SATB1: variants seen among roughly 807,000 people sequenced by gnomAD.
The protein encoded by SATB1 is SATB homeobox 1, also known as DNA-binding protein SATB1.
In SATB1, 11 loss-of-function variants were observed where a neutral mutation model predicts 86.9. The ratio of observed to expected loss-of-function variants is 0.13; its 90% CI spans 0.08 to 0.21. SATB1 has a LOEUF of 0.21. Ranked by LOEUF, SATB1 falls within the 10% of genes least tolerant of loss-of-function variation. The pLI, the probability that SATB1 is intolerant of heterozygous loss-of-function variation, is 1.00. For missense variants in SATB1, 551 were observed against 937.6 expected (o/e 0.59, Z 5.39); for synonymous variants, 357 against 357.2 (o/e 1.00, Z 0.01).
rs1427189144 is a variant in SATB1 at position 18,424,935 on chromosome 3, G to GTTTGTGTGTGTT, written c.-1334_-1333insAACACACACAAA. The GTTTGTGTGTGTT allele has an allele frequency of 1.3e-5, 2 of 152,338 alleles. No individual in the cohort carries two copies. Among genetic ancestry groups the GTTTGTGTGTGTT allele is most frequent in the African/African-American group, 2.6e-5 (1 of 38,892 alleles). The allele number at this position is 152,338 out of a possible 1,614,324, so 9.4% of individuals were successfully genotyped here. A position where few individuals can be genotyped will look rare whatever the true frequency, so the allele number is the denominator to read the frequency against. On this transcript the variant is annotated 5_prime_UTR_variant, in exon 1 of 11. Transcript: ENST00000338745. ...GTGGCACAGGGAGAGGTGTGTGTGTGTTTGTGTGTGTGCGTGAGTGTGAGC... is the reference window on the plus strand; with the variant it reads ...GTGGCACAGGGAGAGGTGTGTGTGTGTTTGTGTGTGTTTTTGTGTGTGTGCGTGAGTGTGAGC...
At chr3:18,351,693 ATTTTAAGC>A (rs1300328815) in intron 10 of SATB1, 14 of 502,452 alleles carry the variant, frequency 2.8e-5, no homozygotes, top group Middle Eastern at 5.2e-4. Context: ...ACACACAAAA[ATTTTAAGC>A]TCTTAACACA....
chr3:18,445,383 G>A (rs1479762912), intron 1 of SATB1: 1 of 929,196 alleles, frequency 1.1e-6, no homozygotes. Context: ...GAGGGGCGAG[G>A]GCGGGCCAGG....
chr3:18,380,064 T>C (rs991612917), intron 8 of SATB1, among the ~76,000 whole-genome samples: 1 of 152,146 alleles, frequency 6.6e-6, no homozygotes, highest in Admixed American at 6.5e-5. Flanking sequence ...TTTGGTGAGA[T>C]TGGAAACTTT....
chr3:18,425,373 G>GGGGGGAGGAGAGGAGGAA (rs1559461771), upstream of SATB1: 3 of 155,956 alleles, frequency 1.9e-5, no homozygotes, highest in African/African-American at 7.3e-5. Context: ...AGGAGGAGGA[G>GGGGGGAGGAGAGGAGGAA]GGGGGAGGAG....
At position 18,347,784 on chromosome 3, in the gene SATB1, ATGTGTT is replaced by A; in HGVS notation, c.*1380_*1385del. ...ATTTCATACCTATTTAAAAATGAGC[ATGTGTT>A]TGTGATTTAAATTTACAGTGTTTCA... is the stretch of plus-strand genomic sequence containing the variant. On this transcript the variant is annotated 3_prime_UTR_variant, in exon 11 of 11. Transcript: ENST00000338745. 1 of 152,320 alleles carries A rather than the reference ATGTGTT, an allele frequency of 6.6e-6. No individual in the cohort carries two copies. The highest frequency in any genetic ancestry group is 1.5e-5 in the Non-Finnish European group (1 of 68,002). 9.4% of individuals were successfully genotyped at this position (152,320 alleles called of 1,614,324 possible).
At chr3:18,415,331 A>G (rs780180998) in intron 4 of SATB1, 97 bp from the exon 5 acceptor site, 8 of 1,383,384 alleles carry the variant, frequency 5.8e-6, no homozygotes, top group Non-Finnish European at 7.1e-6. Flanking sequence ...TGCGCATCAA[A>G]CAGATGCATC....
rs146680818 is a variant in SATB1, at chr3:18,433,163, A to G, written c.-25+3626T>C. 2.2e-3 allele frequency among the ~76,000 whole-genome samples: 341 copies of G among 152,336 alleles called. 2 individuals carry two copies. Among genetic ancestry groups the G allele is most frequent in the African/African-American group, 7.9e-3 (328 of 41,588 alleles). On this transcript the variant is annotated intron_variant, in intron 2 of 3. Transcript: ENST00000414509. ...AAAAAAGAGAAAGGCGCATAGACAA[A>G]AACAAACAGGAGTTCCTTAAGTCCA...
At position 18,352,798 on chromosome 3, in the gene SATB1, C is replaced by T. The variant is rs935684802; in HGVS notation, c.1576-603G>A. On this transcript the variant is annotated intron_variant, in intron 9 of 10. Transcript: ENST00000338745. The surrounding 1 kb of genome is among the most constrained non-coding windows in gnomAD (Gnocchi z 4.1). The stretch of plus-strand genomic sequence containing the variant: ...TGAAAGAACTCTCCAAAGAGAGACA[C>T]TGGAGTCCTATTTTTCCGCCTGCTG... 1.3e-5 allele frequency: 2 copies of T among 152,664 alleles called. No homozygotes were observed. The highest frequency in any genetic ancestry group is 4.8e-5 in the African/African-American group (2 of 41,550). The allele number at this position is 152,664 out of a possible 1,614,324, so 9.5% of individuals were successfully genotyped here.
At chr3:18,410,627 A>G (rs910871655) in intron 5 of SATB1, among the ~76,000 whole-genome samples, 6 of 152,138 alleles carry the variant, frequency 3.9e-5, no homozygotes, top group Non-Finnish European at 7.4e-5. Flanking sequence ...AATGCCTGGC[A>G]TACGGCAGAC....
chr3:18,420,237 A>T (rs1391115067), intron 2 of SATB1, among the ~76,000 whole-genome samples: 2 of 152,208 alleles, frequency 1.3e-5, no homozygotes, highest in African/African-American at 4.8e-5. Context: ...TAAAACAAAA[A>T]TAAAAAACTA....
At chr3:18,404,941 C>G (rs1267387082) in intron 5 of SATB1, among the ~76,000 whole-genome samples, 2 of 151,960 alleles carry the variant, frequency 1.3e-5, no homozygotes, top group Non-Finnish European at 2.9e-5. Context: ...TCCAACGTCT[C>G]CTCTAACAGA....
In SATB1 at chr3:18,425,275, C is replaced by A; in HGVS notation, c.-1673G>T. Reference sequence around the variant, plus strand: ...CTCCTCCCGGCCGCCCGCCGCCGCCCGGAGCCTTCCCCAGCGGGGCCGGCT... The same window carrying A: ...CTCCTCCCGGCCGCCCGCCGCCGCCAGGAGCCTTCCCCAGCGGGGCCGGCT... On this transcript the variant is annotated 5_prime_UTR_variant, in exon 1 of 11. Coordinates refer to ENST00000338745, the MANE Select transcript of SATB1 (RefSeq NM_002971.6). The A allele has an allele frequency of 6.5e-6, 1 of 154,406 alleles. No homozygotes were observed. Among genetic ancestry groups the A allele is most frequent in the Non-Finnish European group, 1.4e-5 (1 of 69,258 alleles). 9.6% of individuals were successfully genotyped at this position (154,406 alleles called of 1,614,324 possible). A position where few individuals can be genotyped will look rare whatever the true frequency, so the allele number is the denominator to read the frequency against.
chr3:18,362,394 A>G (rs1694943842), intron 9 of SATB1, among the ~76,000 whole-genome samples: 1 of 152,062 alleles, frequency 6.6e-6, no homozygotes, highest in Non-Finnish European at 1.5e-5. Flanking sequence ...ACCACAACAA[A>G]TTCAAGCGGC....
At chr3:18,392,870 A>G (rs1696757035) in intron 7 of SATB1, among the ~76,000 whole-genome samples, 1 of 152,092 alleles carries the variant, frequency 6.6e-6, no homozygotes, top group South Asian at 2.1e-4. Flanking sequence ...AATGATGAAC[A>G]CAGTTTTTTA....
At chr3:18,354,986 A>C (rs887259367) in intron 9 of SATB1, among the ~76,000 whole-genome samples, 1 of 152,116 alleles carries the variant, frequency 6.6e-6, no homozygotes, top group Non-Finnish European at 1.5e-5. Context: ...CCCTTAAATA[A>C]TACTTCTAAT....
At chr3:18,401,176 A>C (rs561515560) in intron 5 of SATB1, among the ~76,000 whole-genome samples, 1 of 152,168 alleles carries the variant, frequency 6.6e-6, no homozygotes, top group Non-Finnish European at 1.5e-5. Flanking sequence ...TCTCATCTGA[A>C]TATATCCTGG....
intron 5 of SATB1, among the ~76,000 whole-genome samples, chr3:18,408,319 A>T (rs1008771642): frequency 2.6e-5 from 4 of 151,976 alleles, no homozygotes; most frequent in Non-Finnish European, 5.9e-5. Context: ...ACCCCGTAAG[A>T]CTGCATATTA....
chr3:18,417,870 T>C (rs1168078414), intron 2 of SATB1, among the ~76,000 whole-genome samples: 3 of 152,154 alleles, frequency 2.0e-5, no homozygotes, highest in African/African-American at 7.2e-5. Flanking sequence ...TAAAGGAATC[T>C]GCATAGATTT....
intron 8 of SATB1, among the ~76,000 whole-genome samples, chr3:18,383,927 A>G (rs1346287489): frequency 6.6e-6 from 1 of 152,220 alleles, no homozygotes; most frequent in African/African-American, 2.4e-5. Context: ...TAATAATTTA[A>G]AGATTTATAT....
Sources: allele counts gnomAD v4.1 joint callset (sites outside exome capture counted in the v4.1 genomes callset), GRCh38; gene constraint gnomAD v4.1.1; non-coding constraint Gnocchi (gnomAD v3.1); transcripts MANE v1.5; gene names NCBI Gene and HGNC (gene_info 2026-07-23, HGNC 2026-07-21).